The following MAP2K5 variants were observed in gnomAD, a reference collection of about 807,000 sequenced individuals.
The protein encoded by MAP2K5 is mitogen-activated protein kinase kinase 5.
A neutral mutation model predicts 83.1 loss-of-function variants in MAP2K5; 49 were observed. The ratio of observed to expected loss-of-function variants is 0.59; its 90% CI spans 0.47 to 0.75. The LOEUF (loss-of-function observed/expected upper bound fraction) is 0.75. MAP2K5 is among the 30% of genes least tolerant of loss of function. The pLI is 0.00. For synonymous variants in MAP2K5, 202 were observed against 191.8 expected (o/e 1.05, Z -0.44); for missense variants, 457 against 557.5 (o/e 0.82, Z 1.82).
intron 7 of MAP2K5, among the ~76,000 whole-genome samples, chr15:67,594,662 A>G (rs1223932012): frequency 6.6e-6 from 1 of 152,204 alleles, no homozygotes; most frequent in African/African-American, 2.4e-5. Flanking sequence ...GGTTCTCTAT[A>G]TGGTGGGAGG....
Position 67,543,504 on chromosome 15 carries a change from A to AG in MAP2K5, c.135+39dup. The AG allele has an allele frequency of 6.2e-7, 1 of 1,612,990 alleles. No homozygotes were observed. Among genetic ancestry groups the AG allele is most frequent in the Non-Finnish European group, 8.5e-7 (1 of 1,179,316 alleles). On this transcript the variant is annotated intron_variant, in intron 1 of 21. Coordinates refer to ENST00000178640, the MANE Select transcript of MAP2K5 (RefSeq NM_145160.3). This position sits in a 1 kb window ranked among gnomAD's most constrained non-coding sequence, Gnocchi z 4.3. ...TAATCTCAGTGTCCGGATGCCAGCA[A>AG]GGGGGACTCAGGGACTTGAGTAGTC...
intron 13 of MAP2K5, chr15:67,670,438 C>T (rs772304165): frequency 2.9e-5 from 13 of 455,530 alleles, no homozygotes; most frequent in African/African-American, 2.2e-4. Flanking sequence ...GACCTGTGCA[C>T]CTGAAAAGGG....
At chr15:67,585,076 CAAAAAA>C (rs59012209) in intron 4 of MAP2K5, among the ~76,000 whole-genome samples, 79 of 122,178 alleles carry the variant, frequency 6.5e-4, no homozygotes, top group African/African-American at 2.3e-3. Context: ...GAGAGAGGAG[CAAAAAA>C]AAAAAAAAAA....
Position 67,562,971 on chromosome 15 carries a change from C to T in MAP2K5, c.185-312C>T, listed in dbSNP as rs1003279098. On this transcript the variant is annotated intron_variant, in intron 2 of 21. Coordinates refer to ENST00000178640, the MANE Select transcript of MAP2K5 (RefSeq NM_145160.3). This position sits in a 1 kb window ranked among gnomAD's most constrained non-coding sequence, Gnocchi z 4.1. ...GGATAGTAGAACAAGACTGGCCTCT[C>T]GTTGGTTTTTAGTTCCGCTAACCAA... Among the ~76,000 whole-genome samples, 4 of 151,988 alleles carry T rather than the reference C, an allele frequency of 2.6e-5. No homozygotes were observed. Among genetic ancestry groups the T allele is most frequent in the East Asian group, 1.9e-4 (1 of 5,188 alleles).
intron 19 of MAP2K5, among the ~76,000 whole-genome samples, chr15:67,766,309 C>A (rs11071957): frequency 6.6e-6 from 1 of 151,954 alleles, no homozygotes; most frequent in Admixed American, 6.6e-5. Context: ...AGAAGTTCAA[C>A]GGAAAAGCAT....
chr15:67,780,146 C>A lies in MAP2K5; in HGVS notation c.1242+7394C>A, dbSNP rs1419636073. On this transcript the variant is annotated intron_variant, in intron 21 of 21. Transcript: ENST00000178640. The surrounding 1 kb of genome is among the most constrained non-coding windows in gnomAD (Gnocchi z 5.0). ...ATTCATCTTATGGCCACAAGTTAGT[C>A]CATGTAGTACAGCGGCTCTCAACAC... 2.0e-5 allele frequency among the ~76,000 whole-genome samples: 3 copies of A among 152,148 alleles called. No individual in the cohort carries two copies. In the East Asian group the frequency reaches 5.8e-4, roughly 29 times the overall value.
At chr15:67,696,647 C>T (rs2141207687) in intron 15 of MAP2K5, among the ~76,000 whole-genome samples, 1 of 152,140 alleles carries the variant, frequency 6.6e-6, no homozygotes, top group East Asian at 1.9e-4. Context: ...TTATGTGTGA[C>T]ATAATAAAGA....
At chr15:67,681,668 T>C (rs1388968177) in intron 13 of MAP2K5, among the ~76,000 whole-genome samples, 2 of 152,246 alleles carry the variant, frequency 1.3e-5, no homozygotes, top group South Asian at 2.1e-4. Flanking sequence ...CTAAACTTGA[T>C]ATTTTTAATG....
intron 3 of MAP2K5, among the ~76,000 whole-genome samples, chr15:67,580,029 T>G (rs1330978903): frequency 6.6e-6 from 1 of 152,156 alleles, no homozygotes; most frequent in Non-Finnish European, 1.5e-5. Context: ...CCAAGTTAGG[T>G]GGACATATGC....
At position 67,589,256 on chromosome 15, in the gene MAP2K5, CT is replaced by C. The variant is rs1001079873; in HGVS notation, c.431+2353del. 1.5e-4 allele frequency among the ~76,000 whole-genome samples: 22 copies of C among 148,906 alleles called. 1 individual carries two copies. The South Asian group carries it at 3.0e-3, about 20-fold the overall frequency. On this transcript the variant is annotated intron_variant, in intron 6 of 21. Coordinates refer to ENST00000178640, the MANE Select transcript of MAP2K5 (RefSeq NM_145160.3). ...AGAAATTGCCAGGATACAATTTTTT[CT>C]TTTTTTTTTCTTTTTAACCAGACAA...
chr15:67,729,271 A>G (rs1016117575), intron 17 of MAP2K5, among the ~76,000 whole-genome samples: 4 of 152,126 alleles, frequency 2.6e-5, no homozygotes, highest in Non-Finnish European at 5.9e-5. Context: ...TAAACAATTC[A>G]GCTTGGCCAA....
intron 19 of MAP2K5, among the ~76,000 whole-genome samples, chr15:67,753,139 A>T (rs1157755858): frequency 6.6e-6 from 1 of 152,238 alleles, no homozygotes; most frequent in Non-Finnish European, 1.5e-5. Context: ...CTGGATATCC[A>T]TATGTATGTG....
chr15:67,786,479 A>G lies in MAP2K5; in HGVS notation c.1242+13727A>G, dbSNP rs897020024. 2.7e-5 allele frequency among the ~76,000 whole-genome samples: 4 copies of G among 150,478 alleles called. No individual in the cohort carries two copies. Among genetic ancestry groups the G allele is most frequent in the Non-Finnish European group, 4.5e-5 (3 of 67,258 alleles). ...CCATGATGGGTTCAGAAAGAATATA[A>G]GAAAGACCTATGTCTCAGGAGCAGA... On this transcript the variant is annotated intron_variant, in intron 21 of 21. Transcript: ENST00000178640. This position sits in a 1 kb window ranked among gnomAD's most constrained non-coding sequence, Gnocchi z 4.7.
At chr15:67,624,643 G>A (rs946593519) in intron 8 of MAP2K5, among the ~76,000 whole-genome samples, 6 of 148,236 alleles carry the variant, frequency 4.0e-5, no homozygotes, top group East Asian at 4.0e-4. Flanking sequence ...GTGTGTGAGT[G>A]TGTTTGACGG....
In MAP2K5 at chr15:67,782,852, C is replaced by G. The variant is rs1027471351; in HGVS notation, c.1242+10100C>G. Among the ~76,000 whole-genome samples, 2 of 152,346 alleles carry G rather than the reference C, an allele frequency of 1.3e-5. No homozygotes were observed. The highest frequency in any genetic ancestry group is 2.1e-4 in the South Asian group (1 of 4,826). The stretch of plus-strand genomic sequence containing the variant: ...TCTCCAAAACAAGCTTTCCTCCCGT[C>G]AGGGAGGTCAGCAGAGCTTCGGCTG... On this transcript the variant is annotated intron_variant, in intron 21 of 21. Coordinates refer to ENST00000178640, the MANE Select transcript of MAP2K5 (RefSeq NM_145160.3). This position sits in a 1 kb window ranked among gnomAD's most constrained non-coding sequence, Gnocchi z 4.9.
chr15:67,601,541 T>A (rs550661136), intron 8 of MAP2K5, among the ~76,000 whole-genome samples: 50 of 152,252 alleles, frequency 3.3e-4, no homozygotes, highest in Non-Finnish European at 6.6e-4. Flanking sequence ...ATGTATACAC[T>A]AATCCTGCAT....
intron 13 of MAP2K5, among the ~76,000 whole-genome samples, chr15:67,685,060 C>T (rs2087920151): frequency 6.6e-6 from 1 of 152,100 alleles, no homozygotes; most frequent in Admixed American, 6.5e-5. Context: ...TGGCTGAAAA[C>T]TTTCCAAATT....
Position 67,785,722 on chromosome 15 carries a change from AG to A in MAP2K5, c.1242+12973del, listed in dbSNP as rs1377408529. ...TTGATGGAAGGAGGGGAAAGGTAGA[AG>A]GGTTTGTGATCTGACAACTGGCAGG... is the stretch of plus-strand genomic sequence containing the variant. On this transcript the variant is annotated intron_variant, in intron 21 of 21. Coordinates refer to ENST00000178640, the MANE Select transcript of MAP2K5 (RefSeq NM_145160.3). This position sits in a 1 kb window ranked among gnomAD's most constrained non-coding sequence, Gnocchi z 4.4. Among the ~76,000 whole-genome samples, 1 of 152,200 alleles carries A rather than the reference AG, an allele frequency of 6.6e-6. No individual in the cohort carries two copies. Among genetic ancestry groups the A allele is most frequent in the African/African-American group, 2.4e-5 (1 of 41,454 alleles).
At chr15:67,604,663 G>A (rs547728046) in intron 8 of MAP2K5, among the ~76,000 whole-genome samples, 1 of 152,160 alleles carries the variant, frequency 6.6e-6, no homozygotes, top group East Asian at 1.9e-4. Context: ...TTGGGAGGCC[G>A]AGGCAGGTGG....
Sources: allele counts gnomAD v4.1 joint callset (sites outside exome capture counted in the v4.1 genomes callset), GRCh38; gene constraint gnomAD v4.1.1; non-coding constraint Gnocchi (gnomAD v3.1); transcripts MANE v1.5; gene names NCBI Gene and HGNC (gene_info 2026-07-23, HGNC 2026-07-21).